GATA1: variants seen among roughly 807,000 people sequenced by gnomAD.
The protein encoded by GATA1 is GATA binding protein 1, also known as erythroid transcription factor.
A neutral mutation model predicts 18.9 loss-of-function variants in GATA1; 2 were observed. The ratio of observed to expected loss-of-function variants is 0.11; its 90% CI spans 0.04 to 0.33. The LOEUF is 0.33. Among genes scored for constraint, GATA1 ranks in the 10% least tolerant of loss-of-function variants. GATA1 has a pLI of 1.00. For synonymous variants in GATA1, 152 were observed against 149.1 expected, an observed-to-expected ratio of 1.02 and a Z score of -0.14; for missense variants, 272 against 344.7, an observed-to-expected ratio of 0.79 and a Z score of 1.67.
At chrX:48,787,817 A>G (rs1427948773) in intron 1 of GATA1, among the ~76,000 whole-genome samples, 6 of 110,696 alleles carry the variant, frequency 5.4e-5, no homozygotes, top group African/African-American at 6.6e-5. Flanking sequence ...CCTAGACCTT[A>G]TATCTGCTCC....
rs2062676856 is a variant in GATA1, at chrX:48,792,043, G to C, written c.420G>C (p.Arg140=). 1 of 1,211,824 alleles carries C rather than the reference G, an allele frequency of 8.3e-7. No individual in the cohort carries two copies. The highest frequency in any genetic ancestry group is 1.7e-5 in the African/African-American group (1 of 57,827). Residue 140 remains arginine (R), a synonymous_variant, in exon 3 of 6, where the codon CGG becomes CGC. Coordinates refer to ENST00000376670, the MANE Select transcript of GATA1 (RefSeq NM_002049.4). ...TSFLETLKTE[R]LSPDLLTLGP... ...TCCTGGAGACTTTGAAGACAGAGCG[G>C]CTGAGCCCAGACCTCCTGACCCTGG...
Position 48,792,525 on chromosome X carries a change from C to T in GATA1, c.744+57C>T, listed in dbSNP as rs1358025465. 5 of 1,177,872 alleles carry T rather than the reference C, an allele frequency of 4.2e-6. No individual in the cohort carries two copies. The African/African-American group carries it at 8.8e-5, about 21-fold the overall frequency. On this transcript the variant is annotated intron_variant, in intron 4 of 5. Coordinates refer to ENST00000376670, the MANE Select transcript of GATA1 (RefSeq NM_002049.4). ...CAGGAACCCCTGTCCTCACCCTGTA[C>T]AAGAAGCCACATCTTCCCATTATAT...
intron 4 of GATA1, 148 bp from the exon 5 acceptor site, chrX:48,793,024 A>G: frequency 1.7e-6 from 1 of 581,253 alleles, no homozygotes; most frequent in East Asian, 3.6e-5. Context: ...TACTGGCCCC[A>G]TACAGAATCC....
intron 1 of GATA1, among the ~76,000 whole-genome samples, chrX:48,787,201 C>G (rs2062661032): frequency 9.0e-6 from 1 of 110,997 alleles, no homozygotes; most frequent in South Asian, 3.7e-4. Flanking sequence ...TCTTTGTTCC[C>G]AATGACTTCT....
At chrX:48,790,700 G>A (rs1477369044) in intron 1 of GATA1, among the ~76,000 whole-genome samples, 1 of 97,330 alleles carries the variant, frequency 1.0e-5, no homozygotes, top group Non-Finnish European at 2.1e-5. Flanking sequence ...ACGGGAGAAA[G>A]ACAGGAGGAA....
intron 1 of GATA1, among the ~76,000 whole-genome samples, chrX:48,790,706 A>G (rs2062671499): frequency 1.0e-5 from 1 of 96,678 alleles, no homozygotes; most frequent in African/African-American, 3.8e-5. Context: ...GAAAGACAGG[A>G]GGAAAAGGGA....
In GATA1 at chrX:48,793,077, C is replaced by T. The variant is rs1275965970; in HGVS notation, c.745-95C>T. On this transcript the variant is annotated intron_variant, in intron 4 of 5. Transcript: ENST00000376670. Reference sequence around the variant, plus strand: ...AACAAAGCCCTGCCTTCAACCTGACCCTCACTTCTTGGGTCCTCCTGACAT... The same window carrying T: ...AACAAAGCCCTGCCTTCAACCTGACTCTCACTTCTTGGGTCCTCCTGACAT... The T allele has an allele frequency of 8.0e-6, 8 of 994,423 alleles. No homozygotes were observed. In the South Asian group the frequency reaches 1.6e-4, roughly 20 times the overall value. The allele number at this position is 994,423 out of a possible 1,213,427, so 82.0% of individuals were successfully genotyped here.
At position 48,792,150 on chromosome X, in the gene GATA1, C is replaced by T; in HGVS notation, c.527C>T (p.Thr176Ile). The T allele has an allele frequency of 8.3e-7, 1 of 1,211,264 alleles. No individual in the cohort carries two copies. The highest frequency in any genetic ancestry group is 3.0e-5 in the East Asian group (1 of 33,842). ...TTTTCCAGTACCTTCTTTTCTCCCA[C>T]CGGGAGCCCCCTCAATTCAGCAGCC... The part of the protein sequence containing the change: ...PDFSSTFFSP[T>I]GSPLNSAAYS... The change falls in exon 3 of 6, where the codon ACC (threonine) becomes ATC (isoleucine). Residue 176 changes from threonine to isoleucine, a missense_variant. Physicochemically the swap from Thr to Ile is moderately conservative, Grantham distance 89. Around this residue, in one of 3 missense-constraint regions of GATA1, gnomAD observed 147 missense variants for 157.4 expected, o/e 0.93. Transcript: ENST00000376670.
Position 48,791,271 on chromosome X carries a change from C to G in GATA1, c.162C>G (p.Thr54=). The stretch of plus-strand genomic sequence containing the variant: ...CCTCCACTGCCCCGAGCACAGCCAC[C>G]GCTGCAGCTGCGGCACTGGCCTACT... ...AASSTAPSTA[T]AAAAALAYYR... The change falls in exon 2 of 6, where the codon ACC becomes ACG. Residue 54 remains threonine (T), a synonymous_variant. Coordinates refer to ENST00000376670, the MANE Select transcript of GATA1 (RefSeq NM_002049.4). 3.3e-6 allele frequency: 4 copies of G among 1,207,174 alleles called. No individual in the cohort carries two copies. Among genetic ancestry groups the G allele is most frequent in the Non-Finnish European group, 4.5e-6 (4 of 893,361 alleles).
chrX:48,792,093 C>G lies in GATA1; in HGVS notation c.470C>G (p.Pro157Arg). 8.3e-7 allele frequency: 1 copy of G among 1,212,069 alleles called. No individual in the cohort carries two copies. The highest frequency in any genetic ancestry group is 1.1e-6 in the Non-Finnish European group (1 of 895,514). ...GGACCTGCACTGCCTTCATCACTCC[C>G]TGTCCCCAATAGTGCTTATGGGGGC... ...TLGPALPSSL[P>R]VPNSAYGGPD... Residue 157 changes from proline to arginine, a missense_variant, in exon 3 of 6, where the codon CCT (proline) becomes CGT (arginine). Transcript: ENST00000376670.
Position 48,794,124 on chromosome X carries a change from C to G in GATA1, c.1202C>G (p.Pro401Arg). ...TCCTTCCCCACAGGCCCCATGCCCC[C>G]CACCACCAGCACTACTGTGGTGGCT... Reference protein sequence around the residue: ...TGSFPTGPMPPTTSTTVVAPL... With the variant: ...TGSFPTGPMPRTTSTTVVAPL... Residue 401 changes from proline (P) to arginine (R), a missense_variant, in exon 6 of 6, where the codon CCC (proline) becomes CGC (arginine). Physicochemically the swap from Pro to Arg is moderately radical, Grantham distance 103 (BLOSUM62 -2). Transcript: ENST00000376670. 1.7e-6 allele frequency: 2 copies of G among 1,187,187 alleles called. No individual in the cohort carries two copies. Among genetic ancestry groups the G allele is most frequent in the Non-Finnish European group, 2.3e-6 (2 of 883,167 alleles).
rs370706809 is a variant in GATA1, at chrX:48,793,305, C to T, written c.870+8C>T. 62 of 1,206,988 alleles carry T rather than the reference C, an allele frequency of 5.1e-5. No homozygotes were observed. The highest frequency in any genetic ancestry group is 6.2e-5 in the Non-Finnish European group (55 of 894,172). Reference sequence around the variant, plus strand: ...TACTACAAGCTACACCAGGTGACGCCCTGCCCCTTGGAGCCACCCCTCTGC... The same window carrying T: ...TACTACAAGCTACACCAGGTGACGCTCTGCCCCTTGGAGCCACCCCTCTGC... On this transcript the variant is annotated splice_region_variant and intron_variant, in intron 5 of 5. Transcript: ENST00000376670.
chrX:48,791,394 T>C, intron 2 of GATA1, 65 bp downstream of exon 2: 6 of 975,651 alleles, frequency 6.1e-6, no homozygotes, highest in Non-Finnish European at 8.6e-6. Context: ...TGGAGATCCT[T>C]GGCTAGGTCA....
At position 48,793,978 on chromosome X, in the gene GATA1, C is replaced by T. The variant is rs368635356; in HGVS notation, c.1056C>T (p.Gly352=). The T allele has an allele frequency of 6.0e-5, 72 of 1,205,214 alleles. No individual in the cohort carries two copies. Among genetic ancestry groups the T allele is most frequent in the Non-Finnish European group, 7.5e-5 (67 of 892,314 alleles). ...GSGNCGEVAS[G]LTLGPPGTAH... The stretch of plus-strand genomic sequence containing the variant: ...GGAATTGTGGGGAGGTGGCTTCAGG[C>T]CTGACACTGGGCCCCCCAGGTACTG... Residue 352 remains glycine (G), a synonymous_variant, in exon 6 of 6, where the codon GGC becomes GGT. Coordinates refer to ENST00000376670, the MANE Select transcript of GATA1 (RefSeq NM_002049.4).
intron 1 of GATA1, among the ~76,000 whole-genome samples, chrX:48,789,787 C>T (rs1049668825): frequency 7.2e-5 from 8 of 110,896 alleles, no homozygotes; most frequent in South Asian, 7.7e-4. Flanking sequence ...TGTCTGTAGA[C>T]GCAACAGAGG....
intron 2 of GATA1, among the ~76,000 whole-genome samples, chrX:48,791,640 A>G (rs1425370389): frequency 9.0e-6 from 1 of 111,682 alleles, no homozygotes; most frequent in African/African-American, 3.3e-5. Context: ...GGAAATGGTC[A>G]GAGGTTATTG....
At chrX:48,789,626 C>T (rs1462560170) in intron 1 of GATA1, among the ~76,000 whole-genome samples, 1 of 110,990 alleles carries the variant, frequency 9.0e-6, no homozygotes, top group South Asian at 3.8e-4. Context: ...GAGAGGGTAC[C>T]GGTAGAGGTA....
chrX:48,790,073 G>A (rs980341309), intron 1 of GATA1, among the ~76,000 whole-genome samples: 43 of 109,222 alleles, frequency 3.9e-4, no homozygotes, highest in Middle Eastern at 4.7e-3. Flanking sequence ...AGAAAAGGAT[G>A]AACAGAAAAG....
At chrX:48,787,434 T>C (rs1223644919) in intron 1 of GATA1, among the ~76,000 whole-genome samples, 2 of 110,596 alleles carry the variant, frequency 1.8e-5, no homozygotes, top group Non-Finnish European at 1.9e-5. Context: ...TCTTGGCTTC[T>C]CAAACTCCCC....
Sources: gnomAD v4.1 joint callset for allele counts (sites outside exome capture counted in the v4.1 genomes callset) on GRCh38, gnomAD v4.1.1 for gene constraint, gnomAD v4.1.1 regional missense constraint, MANE v1.5 for transcripts, NCBI Gene and HGNC (gene_info 2026-07-23, HGNC 2026-07-21) for gene names.